GRID2: variants seen among roughly 807,000 people sequenced by gnomAD.
GRID2 encodes the protein glutamate receptor ionotropic, delta-2.
A neutral mutation model predicts 114.8 loss-of-function variants in GRID2; 33 were observed. That is an observed-to-expected ratio of 0.29 (90% CI 0.22 to 0.38). The LOEUF (loss-of-function observed/expected upper bound fraction) is 0.38, where lower values mean the gene tolerates loss of function less well. GRID2 is among the 10% of genes least tolerant of loss of function. The pLI, the probability that GRID2 is intolerant of heterozygous loss-of-function variation, is 1.00. For synonymous variants in GRID2, 505 were observed against 449.9 expected (o/e 1.12, Z -1.55); for missense variants, 1,184 against 1,257.7 (o/e 0.94, Z 0.89).
intron 1 of GRID2, among the ~76,000 whole-genome samples, chr4:92,367,300 A>G (rs1239601612): frequency 6.6e-6 from 1 of 152,090 alleles, no homozygotes; most frequent in Non-Finnish European, 1.5e-5. Flanking sequence ...GGGAAAGAGA[A>G]CAATGATAAA....
At chr4:93,169,979 T>C (rs983611613) in intron 4 of GRID2, among the ~76,000 whole-genome samples, 16 of 152,222 alleles carry the variant, frequency 1.1e-4, no homozygotes, top group African/African-American at 3.4e-4. Context: ...CAGGTTTAAC[T>C]TGAAAAGGAA....
chr4:93,126,208 A>G (rs1299016158), intron 4 of GRID2, among the ~76,000 whole-genome samples: 1 of 152,132 alleles, frequency 6.6e-6, no homozygotes, highest in East Asian at 1.9e-4. Context: ...GTTAGACTAC[A>G]TGTTCTCTAA....
intron 1 of GRID2, among the ~76,000 whole-genome samples, chr4:92,445,436 CTT>C (rs1241674289): frequency 2.0e-5 from 3 of 152,136 alleles, no homozygotes; most frequent in Admixed American, 6.5e-5. Context: ...TGTTTGAAAT[CTT>C]TTTCAGCCAT....
intron 2 of GRID2, among the ~76,000 whole-genome samples, chr4:93,084,305 TAA>T (rs1730144705): frequency 6.6e-6 from 1 of 152,180 alleles, no homozygotes; most frequent in African/African-American, 2.4e-5. Context: ...TGTAACCATA[TAA>T]TAGGAATTAT....
chr4:92,810,824 C>T (rs1433363449), intron 2 of GRID2, among the ~76,000 whole-genome samples: 1 of 152,164 alleles, frequency 6.6e-6, no homozygotes, highest in Non-Finnish European at 1.5e-5. Flanking sequence ...CAGAGTCTCA[C>T]TCTATTGCCC....
chr4:93,269,932 C>A (rs1407626203), intron 8 of GRID2, among the ~76,000 whole-genome samples: 1 of 151,962 alleles, frequency 6.6e-6, no homozygotes, highest in Non-Finnish European at 1.5e-5. Flanking sequence ...TTTCTATAAT[C>A]CTTTAGGAAT....
intron 8 of GRID2, among the ~76,000 whole-genome samples, chr4:93,247,553 C>G (rs1342668492): frequency 6.6e-6 from 1 of 152,044 alleles, no homozygotes; most frequent in Non-Finnish European, 1.5e-5. Context: ...CCCCAGTTCT[C>G]GGGCCTTACA....
At chr4:93,122,890 G>GTTTTTTTTGTTTTTT (rs1733915033) in intron 4 of GRID2, among the ~76,000 whole-genome samples, 4 of 69,794 alleles carry the variant, frequency 5.7e-5, no homozygotes, top group East Asian at 4.6e-4. Flanking sequence ...ACAGATGTGG[G>GTTTTTTTTGTTTTTT]TTTTTTTTTT....
At chr4:93,312,271 G>T (rs1281532825) in intron 8 of GRID2, among the ~76,000 whole-genome samples, 5 of 152,152 alleles carry the variant, frequency 3.3e-5, no homozygotes, top group Non-Finnish European at 7.3e-5. Context: ...TGCATAATTA[G>T]TATGAATGCA....
intron 11 of GRID2, among the ~76,000 whole-genome samples, chr4:93,468,015 G>A (rs925914526): frequency 2.0e-5 from 3 of 152,072 alleles, no homozygotes; most frequent in African/African-American, 7.2e-5. Flanking sequence ...TGTACTTATA[G>A]AATCATATTG....
At chr4:93,568,997 C>G (rs1418554539) in intron 13 of GRID2, among the ~76,000 whole-genome samples, 1 of 152,158 alleles carries the variant, frequency 6.6e-6, no homozygotes, top group Non-Finnish European at 1.5e-5. Flanking sequence ...GGCACTGTGG[C>G]TACTGGAGCT....
At chr4:93,140,760 C>A (rs555745502) in intron 4 of GRID2, among the ~76,000 whole-genome samples, 1 of 152,278 alleles carries the variant, frequency 6.6e-6, no homozygotes, top group African/African-American at 2.4e-5. Flanking sequence ...ATTGAAAGGT[C>A]TATGCCAATC....
intron 13 of GRID2, among the ~76,000 whole-genome samples, chr4:93,585,574 A>T (rs1737453734): frequency 1.3e-5 from 2 of 152,064 alleles, no homozygotes; most frequent in African/African-American, 4.8e-5. Context: ...CTTGTGGGGC[A>T]TTGTCCTCAT....
chr4:93,740,992 G>A (rs1420670576), intron 14 of GRID2, among the ~76,000 whole-genome samples: 1 of 150,932 alleles, frequency 6.6e-6, no homozygotes, highest in Non-Finnish European at 1.5e-5. Flanking sequence ...GCAATAAAGA[G>A]TATTTTTCAT....
intron 13 of GRID2, among the ~76,000 whole-genome samples, chr4:93,589,450 C>G (rs1737925699): frequency 6.6e-6 from 1 of 151,934 alleles, no homozygotes; most frequent in African/African-American, 2.4e-5. Flanking sequence ...TCTAGTCTAT[C>G]ATTGTTGGAC....
chr4:93,073,312 C>A, intron 2 of GRID2, among the ~76,000 whole-genome samples: 1 of 152,252 alleles, frequency 6.6e-6, no homozygotes, highest in African/African-American at 2.4e-5. Context: ...ATCTTATAAA[C>A]AGATAATGTA....
intron 8 of GRID2, among the ~76,000 whole-genome samples, chr4:93,285,384 A>G (rs1209826298): frequency 6.6e-6 from 1 of 152,114 alleles, no homozygotes; most frequent in Non-Finnish European, 1.5e-5. Context: ...AAAATAGTGA[A>G]TCTTTTCTAT....
chr4:93,605,197 T>C (rs1400068011), intron 13 of GRID2, among the ~76,000 whole-genome samples: 1 of 151,262 alleles, frequency 6.6e-6, no homozygotes, highest in Non-Finnish European at 1.5e-5. Flanking sequence ...ACTAGCCCCA[T>C]GTGACTAATT....
intron 9 of GRID2, among the ~76,000 whole-genome samples, chr4:93,404,009 G>A (rs188193851): frequency 4.6e-5 from 7 of 152,242 alleles, no homozygotes; most frequent in South Asian, 4.1e-4. Flanking sequence ...TACATAAAAT[G>A]TAGTATACCA....
Sources: allele counts gnomAD v4.1 joint callset (sites outside exome capture counted in the v4.1 genomes callset), GRCh38; gene constraint gnomAD v4.1.1; transcripts MANE v1.5; gene names NCBI Gene and HGNC (gene_info 2026-07-23, HGNC 2026-07-21).